CDH13: variants seen among roughly 807,000 people sequenced by gnomAD.
CDH13 encodes the protein cadherin 13.
In CDH13, 24 loss-of-function variants were observed where a neutral mutation model predicts 63.8. That is an observed-to-expected ratio of 0.38 (90% confidence interval 0.27 to 0.53). CDH13 has a LOEUF of 0.53. Ranked by LOEUF, CDH13 falls within the 20% of genes least tolerant of loss-of-function variation. The pLI, the probability that CDH13 is intolerant of heterozygous loss-of-function variation, is 0.85. For synonymous variants in CDH13, 503 were observed against 355.3 expected (o/e 1.42, Z -4.67); for missense variants, 1,049 against 903.1 (o/e 1.16, Z -2.07).
intron 6 of CDH13, among the ~76,000 whole-genome samples, chr16:83,447,096 C>G (rs982691516): frequency 4.8e-5 from 2 of 41,522 alleles, no homozygotes; most frequent in Admixed American, 3.9e-4. Context: ...TTATAGTAAC[C>G]TTTTTTTTTT....
At chr16:83,418,969 A>G (rs937108530) in intron 6 of CDH13, among the ~76,000 whole-genome samples, 1 of 152,172 alleles carries the variant, frequency 6.6e-6, no homozygotes, top group Non-Finnish European at 1.5e-5. Flanking sequence ...CCCTAAATTC[A>G]TGAAACATAT....
chr16:82,652,022 C>A (rs1269824595), intron 1 of CDH13, among the ~76,000 whole-genome samples: 1 of 152,224 alleles, frequency 6.6e-6, no homozygotes, highest in East Asian at 1.9e-4. Flanking sequence ...TTTCACTTCT[C>A]ATTTTGAAAG....
rs537201625 is a variant in CDH13 at position 83,729,421 on chromosome 16, C to A, written c.1539-18687C>A. ...TGCCAAAAAAATTTTATTTGCAAAA[C>A]AAATATAGGCTCATGGTAAAAATTT... On this transcript the variant is annotated intron_variant, in intron 10 of 13. Transcript: ENST00000567109. 8.5e-5 allele frequency among the ~76,000 whole-genome samples: 13 copies of A among 152,142 alleles called. No individual in the cohort carries two copies. The South Asian group carries it at 2.7e-3, about 32-fold the overall frequency.
chr16:83,386,359 G>T (rs568438464), intron 6 of CDH13, among the ~76,000 whole-genome samples: 1 of 152,118 alleles, frequency 6.6e-6, no homozygotes, highest in African/African-American at 2.4e-5. Flanking sequence ...TGGGGGCAGC[G>T]CTATTATTAG....
In CDH13 at chr16:83,580,845, G is replaced by T. The variant is rs139258955; in HGVS notation, c.961-21609G>T. 3.3e-5 allele frequency among the ~76,000 whole-genome samples: 5 copies of T among 152,174 alleles called. No homozygotes were observed. In the East Asian group the frequency reaches 9.7e-4, roughly 29 times the overall value. On this transcript the variant is annotated intron_variant, in intron 7 of 13. Transcript: ENST00000567109. Reference sequence around the variant, plus strand: ...ACTTCTTTTATTTGTTCTTATTAAAGTTTCCATGCTGTTGGAGTTAATTGT... The same window carrying T: ...ACTTCTTTTATTTGTTCTTATTAAATTTTCCATGCTGTTGGAGTTAATTGT...
chr16:83,005,287 T>C (rs922576744), intron 2 of CDH13, among the ~76,000 whole-genome samples: 16 of 152,244 alleles, frequency 1.1e-4, no homozygotes, highest in East Asian at 3.9e-4. Context: ...GTTTGGAAAA[T>C]AGGGAATTTT....
At chr16:83,224,254 T>G (rs1475458604) in intron 5 of CDH13, among the ~76,000 whole-genome samples, 2 of 152,372 alleles carry the variant, frequency 1.3e-5, no homozygotes, top group South Asian at 4.1e-4. Flanking sequence ...ACTCATTGAT[T>G]GATGGGCATT....
intron 5 of CDH13, among the ~76,000 whole-genome samples, chr16:83,252,784 G>A (rs1029184139): frequency 1.3e-5 from 2 of 152,082 alleles, no homozygotes; most frequent in Non-Finnish European, 2.9e-5. Flanking sequence ...ACCGTTCACA[G>A]CACAGCCTGC....
chr16:82,969,255 A>T (rs1908333088), intron 2 of CDH13, among the ~76,000 whole-genome samples: 1 of 152,218 alleles, frequency 6.6e-6, no homozygotes, highest in Non-Finnish European at 1.5e-5. Context: ...TATAACTAGT[A>T]AACTCTGCTA....
intron 3 of CDH13, among the ~76,000 whole-genome samples, chr16:83,092,274 G>T (rs998744461): frequency 6.6e-6 from 1 of 152,322 alleles, no homozygotes; most frequent in South Asian, 2.1e-4. Flanking sequence ...GTCCAGTAGG[G>T]TCTGCCTTAA....
chr16:83,072,129 G>C (rs1331670554), intron 3 of CDH13, among the ~76,000 whole-genome samples: 1 of 151,906 alleles, frequency 6.6e-6, no homozygotes, highest in East Asian at 1.9e-4. Context: ...CATCTTTTTG[G>C]TACTTAGTTT....
At chr16:83,521,226 C>T (rs1158671279) in intron 7 of CDH13, among the ~76,000 whole-genome samples, 1 of 152,078 alleles carries the variant, frequency 6.6e-6, no homozygotes, top group Non-Finnish European at 1.5e-5. Flanking sequence ...TATTTTTCAT[C>T]CTCTTAGGTT....
chr16:82,734,007 C>G (rs138315713), intron 1 of CDH13, among the ~76,000 whole-genome samples: 1 of 138,946 alleles, frequency 7.2e-6, no homozygotes, highest in East Asian at 2.2e-4. Flanking sequence ...TACCAGATAG[C>G]AATGAGGGCT....
intron 6 of CDH13, among the ~76,000 whole-genome samples, chr16:83,387,600 A>C (rs1289982456): frequency 6.6e-6 from 1 of 152,248 alleles, no homozygotes; most frequent in Non-Finnish European, 1.5e-5. Context: ...AATGGGATTC[A>C]TTAAGAGCTA....
intron 10 of CDH13, among the ~76,000 whole-genome samples, chr16:83,715,290 C>G (rs761919910): frequency 2.0e-5 from 3 of 152,198 alleles, no homozygotes; most frequent in Non-Finnish European, 4.4e-5. Context: ...TTCCCATTTA[C>G]TTGATCAGGG....
At chr16:83,485,181 A>G (rs2073858379) in intron 6 of CDH13, among the ~76,000 whole-genome samples, 1 of 152,212 alleles carries the variant, frequency 6.6e-6, no homozygotes, top group Non-Finnish European at 1.5e-5. Flanking sequence ...GCTGTTTCCA[A>G]ATTTTTCACC....
At chr16:82,887,694 A>T (rs954784537) in intron 2 of CDH13, among the ~76,000 whole-genome samples, 1 of 152,058 alleles carries the variant, frequency 6.6e-6, no homozygotes, top group African/African-American at 2.4e-5. Context: ...GGTGGTGCAC[A>T]CCTGTAGTCC....
At chr16:83,046,389 A>T (rs1917786210) in intron 3 of CDH13, among the ~76,000 whole-genome samples, 1 of 152,368 alleles carries the variant, frequency 6.6e-6, no homozygotes. Context: ...CAATTTGGCA[A>T]ACACTTATTT....
intron 1 of CDH13, chr16:82,825,339 G>T (rs1224081183): frequency 1.3e-5 from 2 of 151,980 alleles, no homozygotes; most frequent in Non-Finnish European, 2.9e-5. Context: ...AATTCACCAG[G>T]AAAATACCAG....
Sources: allele counts gnomAD v4.1 joint callset (sites outside exome capture counted in the v4.1 genomes callset), GRCh38; gene constraint gnomAD v4.1.1; transcripts MANE v1.5; gene names NCBI Gene and HGNC (gene_info 2026-07-23, HGNC 2026-07-21).